Variants in BCAS3 observed in about 807,000 individuals in gnomAD.
BCAS3 encodes the protein BCAS3 microtubule associated cell migration factor.
In BCAS3, 53 loss-of-function variants were observed where a neutral mutation model predicts 116.1. The observed-to-expected ratio is 0.46, with a 90% CI of 0.37 to 0.57. The LOEUF is 0.57. Ranked by LOEUF, BCAS3 falls within the 20% of genes least tolerant of loss-of-function variation. The pLI is 0.00. For synonymous variants in BCAS3, 391 were observed against 408.2 expected (o/e 0.96, Z 0.51); for missense variants, 917 against 1,165.4 (o/e 0.79, Z 3.10).
At chr17:61,010,977 T>G (rs2065073572) in intron 15 of BCAS3, among the ~76,000 whole-genome samples, 1 of 152,058 alleles carries the variant, frequency 6.6e-6, no homozygotes, top group Non-Finnish European at 1.5e-5. Context: ...CCAGAAATAC[T>G]GTGAGAATAT....
At chr17:60,772,157 T>C (rs1284216547) in intron 6 of BCAS3, among the ~76,000 whole-genome samples, 1 of 152,204 alleles carries the variant, frequency 6.6e-6, no homozygotes, top group Non-Finnish European at 1.5e-5. Flanking sequence ...GTTGAACTAG[T>C]TTATGCTTCC....
At position 61,088,343 on chromosome 17, in the gene BCAS3, G is replaced by T. The variant is rs1161146511; in HGVS notation, c.2425+3779G>T. Among the ~76,000 whole-genome samples, 1 of 152,206 alleles carries T rather than the reference G, an allele frequency of 6.6e-6. No homozygotes were observed. Among genetic ancestry groups the T allele is most frequent in the African/African-American group, 2.4e-5 (1 of 41,452 alleles). ...GACACAGGCTACCCAGAACAAATGG[G>T]ATTTGGGGCAGTTGCTCACTTTTTC... is the stretch of plus-strand genomic sequence containing the variant. On this transcript the variant is annotated intron_variant, in intron 22 of 23. Transcript: ENST00000407086. This position sits in a 1 kb window ranked among gnomAD's most constrained non-coding sequence, Gnocchi z 4.2.
At chr17:61,101,741 T>G (rs539116524) in intron 22 of BCAS3, among the ~76,000 whole-genome samples, 1 of 152,286 alleles carries the variant, frequency 6.6e-6, no homozygotes, top group South Asian at 2.1e-4. Flanking sequence ...AATTCTGGTT[T>G]GTTTTGTGTG....
chr17:61,223,348 G>A (rs1464989433), intron 22 of BCAS3, among the ~76,000 whole-genome samples: 2 of 151,898 alleles, frequency 1.3e-5, no homozygotes, highest in Non-Finnish European at 2.9e-5. Context: ...TAGTAGAGAT[G>A]GGGTTTCACC....
At chr17:60,951,289 T>C (rs2060817639) in intron 14 of BCAS3, among the ~76,000 whole-genome samples, 1 of 152,222 alleles carries the variant, frequency 6.6e-6, no homozygotes, top group Non-Finnish European at 1.5e-5. Flanking sequence ...GCAACTGTAG[T>C]AGTGATAGCT....
At chr17:60,747,847 C>G (rs2042135279) in intron 6 of BCAS3, among the ~76,000 whole-genome samples, 1 of 151,962 alleles carries the variant, frequency 6.6e-6, no homozygotes, top group South Asian at 2.1e-4. Context: ...GAGAATACTT[C>G]TTAATGTTGT....
chr17:61,035,381 G>A (rs745686719), intron 17 of BCAS3, among the ~76,000 whole-genome samples: 8 of 151,930 alleles, frequency 5.3e-5, no homozygotes, highest in Non-Finnish European at 1.0e-4. Context: ...TCGGGAGATC[G>A]AGACCATCCT....
chr17:60,737,798 T>A (rs550751055), intron 5 of BCAS3, among the ~76,000 whole-genome samples: 55 of 152,168 alleles, frequency 3.6e-4, no homozygotes, highest in African/African-American at 7.0e-4. Context: ...TATTATTATT[T>A]TTTTTGAGAT....
intron 19 of BCAS3, among the ~76,000 whole-genome samples, chr17:61,044,446 C>CAAAAAAA (rs1223902392): frequency 2.4e-5 from 2 of 82,822 alleles, no homozygotes; most frequent in African/African-American, 6.4e-5. Context: ...GACTCTGTCT[C>CAAAAAAA]AAAAAAAAAA....
intron 22 of BCAS3, among the ~76,000 whole-genome samples, chr17:61,110,913 C>T (rs571552849): frequency 1.3e-4 from 20 of 152,324 alleles, no homozygotes; most frequent in African/African-American, 4.8e-4. Context: ...GGCAGACTGC[C>T]TCCTCAAGTG....
intron 14 of BCAS3, among the ~76,000 whole-genome samples, chr17:60,954,875 ATTT>A (rs1407796972): frequency 6.6e-6 from 1 of 152,064 alleles, no homozygotes; most frequent in Non-Finnish European, 1.5e-5. Flanking sequence ...AATGAAATTG[ATTT>A]TTCTATTAAG....
intron 4 of BCAS3, among the ~76,000 whole-genome samples, chr17:60,702,385 A>G (rs1378022060): frequency 6.6e-6 from 1 of 152,230 alleles, no homozygotes; most frequent in Admixed American, 6.5e-5. Context: ...TTGTAAAACT[A>G]TAAACCTTGA....
chr17:60,907,721 A>G (rs1394799401), intron 11 of BCAS3, among the ~76,000 whole-genome samples: 1 of 152,166 alleles, frequency 6.6e-6, no homozygotes, highest in Non-Finnish European at 1.5e-5. Context: ...CACTTAGTCT[A>G]ATTTTTCATC....
intron 7 of BCAS3, among the ~76,000 whole-genome samples, chr17:60,854,308 T>C (rs1342379671): frequency 6.6e-6 from 1 of 152,196 alleles, no homozygotes; most frequent in Non-Finnish European, 1.5e-5. Context: ...TTGATGCACA[T>C]TTGGGTTGGT....
At chr17:61,022,390 C>G (rs571649952) in intron 16 of BCAS3, among the ~76,000 whole-genome samples, 12 of 152,170 alleles carry the variant, frequency 7.9e-5, no homozygotes, top group Non-Finnish European at 1.5e-4. Flanking sequence ...GCTGGAGGCG[C>G]CCGCCACCAC....
chr17:60,685,450 CAAAAAA>C (rs1204965872), intron 3 of BCAS3, among the ~76,000 whole-genome samples: 1 of 54,380 alleles, frequency 1.8e-5, no homozygotes. Flanking sequence ...AACTCCGTCT[CAAAAAA>C]AAAAAAAAAA....
At chr17:61,334,567 G>A (rs1034278733) in intron 22 of BCAS3, among the ~76,000 whole-genome samples, 1 of 150,002 alleles carries the variant, frequency 6.7e-6, no homozygotes, top group Non-Finnish European at 1.5e-5. Flanking sequence ...AGGAGGCTGA[G>A]GCAGGATAAT....
chr17:60,889,328 C>A (rs1419898223), intron 9 of BCAS3, among the ~76,000 whole-genome samples: 2 of 152,136 alleles, frequency 1.3e-5, no homozygotes, highest in East Asian at 3.9e-4. Flanking sequence ...CCCATCATAT[C>A]ATTTCTCTCT....
chr17:61,366,081 T>C lies in BCAS3; in HGVS notation c.2426-2246T>C. Among the ~76,000 whole-genome samples, 1 of 151,290 alleles carries C rather than the reference T, an allele frequency of 6.6e-6. No homozygotes were observed. ...TCGCCTGGACCCAGGAGGCAGAGGTTGCCGTGAGCCAAGATCATACCACTG... is the reference window on the plus strand; with the variant it reads ...TCGCCTGGACCCAGGAGGCAGAGGTCGCCGTGAGCCAAGATCATACCACTG... On this transcript the variant is annotated intron_variant, in intron 22 of 23. Coordinates refer to ENST00000407086, the MANE Select transcript of BCAS3 (RefSeq NM_017679.5). This position sits in a 1 kb window ranked among gnomAD's most constrained non-coding sequence, Gnocchi z 4.5.
Sources: allele counts gnomAD v4.1 joint callset (sites outside exome capture counted in the v4.1 genomes callset), GRCh38; gene constraint gnomAD v4.1.1; non-coding constraint Gnocchi (gnomAD v3.1); transcripts MANE v1.5; gene names NCBI Gene and HGNC (gene_info 2026-07-23, HGNC 2026-07-21).